The following MAF variants were observed in gnomAD, a reference collection of about 807,000 sequenced individuals.
MAF encodes the protein MAF bZIP transcription factor, also known as transcription factor Maf.
MAF carries 10 observed loss-of-function variants against 22.0 expected under a neutral mutation model. That is an observed-to-expected ratio of 0.45 (90% CI 0.28 to 0.77). The LOEUF (loss-of-function observed/expected upper bound fraction) is 0.77, where lower values mean the gene tolerates loss of function less well. Among genes scored for constraint, MAF ranks in the 30% least tolerant of loss-of-function variants. MAF has a pLI of 0.12. For synonymous variants in MAF, 337 were observed against 255.8 expected, an observed-to-expected ratio of 1.32 and a Z score of -3.03; for missense variants, 544 against 548.4, an observed-to-expected ratio of 0.99 and a Z score of 0.08.
chr16:79,570,324 G>C, the MAF span, among the ~76,000 whole-genome samples: 3 of 151,826 alleles, frequency 2.0e-5, no homozygotes, highest in Admixed American at 6.6e-5. Context: ...TCAGCTCTTT[G>C]CTGGCCTATC....
At chr16:79,311,377 C>A in the MAF span, among the ~76,000 whole-genome samples, 1 of 151,996 alleles carries the variant, frequency 6.6e-6, no homozygotes, top group Non-Finnish European at 1.5e-5. Flanking sequence ...TGTCCAGCAG[C>A]CTTTTCTGCG....
the MAF span, among the ~76,000 whole-genome samples, chr16:79,440,142 G>A: frequency 6.6e-6 from 1 of 152,184 alleles, no homozygotes; most frequent in Admixed American, 6.5e-5. Context: ...ACTACCACCT[G>A]GATGCAGGAA....
At chr16:79,217,015 G>T in the MAF span, among the ~76,000 whole-genome samples, 1 of 152,114 alleles carries the variant, frequency 6.6e-6, no homozygotes, top group Admixed American at 6.5e-5. Flanking sequence ...TTGCCATGTT[G>T]GCCAGGCTGG....
chr16:79,405,159 A>G, the MAF span, among the ~76,000 whole-genome samples: 1 of 152,002 alleles, frequency 6.6e-6, no homozygotes, highest in Non-Finnish European at 1.5e-5. Context: ...ATCCATCAGC[A>G]CTCTGAGGGA....
At chr16:79,525,177 T>G in the MAF span, among the ~76,000 whole-genome samples, 1 of 152,212 alleles carries the variant, frequency 6.6e-6, no homozygotes, top group Non-Finnish European at 1.5e-5. Context: ...TCTTGCAATC[T>G]ATTCTTTTCC....
At chr16:79,339,145 C>T in the MAF span, among the ~76,000 whole-genome samples, 39 of 152,294 alleles carry the variant, frequency 2.6e-4, no homozygotes, top group African/African-American at 9.1e-4. Flanking sequence ...TCTCGGCTCA[C>T]TGCAAGCTCC....
chr16:79,301,151 C>T, the MAF span, among the ~76,000 whole-genome samples: 1 of 152,216 alleles, frequency 6.6e-6, no homozygotes, highest in East Asian at 1.9e-4. Flanking sequence ...AGAAACAAGT[C>T]GGGTCCTCAG....
At chr16:79,205,112 C>T in the MAF span, 3 of 152,208 alleles carry the variant, frequency 2.0e-5, no homozygotes, top group African/African-American at 7.2e-5. Context: ...TCTCTCTGAA[C>T]AGAAGCCTGT....
At chr16:79,467,671 C>G in the MAF span, among the ~76,000 whole-genome samples, 2 of 152,144 alleles carry the variant, frequency 1.3e-5, no homozygotes, top group African/African-American at 4.8e-5. Context: ...AGGGCCCACC[C>G]TGGACCTCGT....
At chr16:79,301,876 T>C in the MAF span, among the ~76,000 whole-genome samples, 1 of 152,238 alleles carries the variant, frequency 6.6e-6, no homozygotes, top group African/African-American at 2.4e-5. Context: ...TGTATGTTAC[T>C]AGTGGGGAAA....
chr16:79,469,262 C>G, the MAF span, among the ~76,000 whole-genome samples: 1 of 152,202 alleles, frequency 6.6e-6, no homozygotes, highest in Non-Finnish European at 1.5e-5. Flanking sequence ...TTGCAACAGA[C>G]AGTCTGGACC....
the MAF span, among the ~76,000 whole-genome samples, chr16:79,458,541 G>A: frequency 3.3e-5 from 5 of 152,262 alleles, no homozygotes; most frequent in African/African-American, 4.8e-5. Context: ...ACTTAACTAC[G>A]TGAACCAAAA....
the MAF span, chr16:79,229,580 G>T: frequency 6.6e-6 from 1 of 152,112 alleles, no homozygotes; most frequent in Non-Finnish European, 1.5e-5. Flanking sequence ...GCGCGGCGTG[G>T]AGGCCGTTCG....
chr16:79,481,738 A>G, the MAF span, among the ~76,000 whole-genome samples: 1 of 152,160 alleles, frequency 6.6e-6, no homozygotes, highest in Admixed American at 6.5e-5. Flanking sequence ...ACATCCATGC[A>G]GGTACTCACT....
chr16:79,561,710 G>C, the MAF span, among the ~76,000 whole-genome samples: 1 of 152,014 alleles, frequency 6.6e-6, no homozygotes. Context: ...TTGAGGAGAA[G>C]AAGAAAAAAT....
chr16:79,317,018 C>T, the MAF span, among the ~76,000 whole-genome samples: 2 of 152,176 alleles, frequency 1.3e-5, no homozygotes, highest in African/African-American at 4.8e-5. Context: ...CATTACATCA[C>T]ACAAGTAAGA....
the MAF span, among the ~76,000 whole-genome samples, chr16:79,340,790 C>A: frequency 4.9e-4 from 75 of 152,222 alleles, no homozygotes; most frequent in South Asian, 0.015. Context: ...AAAATGTCTT[C>A]AGGCATTGCT....
At chr16:79,435,356 G>C in the MAF span, among the ~76,000 whole-genome samples, 1 of 152,144 alleles carries the variant, frequency 6.6e-6, no homozygotes, top group Non-Finnish European at 1.5e-5. Context: ...ATGAGGGATT[G>C]AAAGCCTTGA....
At chr16:79,566,576 G>A in the MAF span, among the ~76,000 whole-genome samples, 5 of 152,200 alleles carry the variant, frequency 3.3e-5, no homozygotes, top group Non-Finnish European at 7.3e-5. Flanking sequence ...CTGCACCCTC[G>A]TGGCCATTTG....
Sources: gnomAD v4.1 joint callset for allele counts (sites outside exome capture counted in the v4.1 genomes callset) on GRCh38, gnomAD v4.1.1 for gene constraint, MANE v1.5 for transcripts, NCBI Gene and HGNC (gene_info 2026-07-23, HGNC 2026-07-21) for gene names.